ARSG: variants seen among roughly 807,000 people sequenced by gnomAD.
ARSG encodes the protein ASG.
ARSG carries 37 observed loss-of-function variants against 50.5 expected under a neutral mutation model. The observed-to-expected ratio is 0.73, with a 90% CI of 0.56 to 0.96. ARSG has a LOEUF of 0.96. Among genes scored for constraint, ARSG ranks in the 50% least tolerant of loss-of-function variants. The pLI is 0.00. For missense variants in ARSG, 629 were observed against 675.3 expected (o/e 0.93, Z 0.76); for synonymous variants, 225 against 254.6 (o/e 0.88, Z 1.11).
chr17:68,333,238 C>T (rs772061251), intron 2 of ARSG, among the ~76,000 whole-genome samples: 29 of 152,172 alleles, frequency 1.9e-4, no homozygotes, highest in Non-Finnish European at 3.8e-4. Context: ...AGGAGAATGG[C>T]GTGAACGTGG....
rs1407764628 is a variant in ARSG at position 68,381,489 on chromosome 17, A to G, written c.983-3575A>G. The stretch of plus-strand genomic sequence containing the variant: ...GTGCCTGATCAAAGTATGGAGGCTT[A>G]TCTAAATGAATAGTGTTTGAAATTG... On this transcript the variant is annotated intron_variant, in intron 8 of 11. Coordinates refer to ENST00000621439, the MANE Select transcript of ARSG (RefSeq NM_001267727.2). This position sits in a 1 kb window ranked among gnomAD's most constrained non-coding sequence, Gnocchi z 4.1. 6.6e-6 allele frequency among the ~76,000 whole-genome samples: 1 copy of G among 150,526 alleles called. No homozygotes were observed. Among genetic ancestry groups the G allele is most frequent in the Non-Finnish European group, 1.5e-5 (1 of 67,700 alleles).
chr17:68,284,715 G>A (rs559569098), intron 1 of ARSG, among the ~76,000 whole-genome samples: 15 of 152,166 alleles, frequency 9.9e-5, no homozygotes, highest in Admixed American at 2.6e-4. Context: ...TACTGATAGC[G>A]CCATTCCCAC....
chr17:68,280,357 G>A (rs977562696), intron 1 of ARSG, among the ~76,000 whole-genome samples: 2 of 151,832 alleles, frequency 1.3e-5, no homozygotes, highest in African/African-American at 2.4e-5. Context: ...AAAGAACAAA[G>A]CTGGAGGCAT....
At chr17:68,401,259 G>A (rs2081457123) in intron 10 of ARSG, 101 bp from the exon 11 acceptor site, 2 of 1,030,154 alleles carry the variant, frequency 1.9e-6, no homozygotes, top group African/African-American at 1.6e-5. Flanking sequence ...CTGGGCTCAA[G>A]TGATCCTCCT....
Position 68,395,173 on chromosome 17 carries a change from C to G in ARSG, c.1192C>G (p.Arg398Gly). The change falls in exon 10 of 12, where the codon CGG (arginine) becomes GGG (glycine). Residue 398 changes from arginine (R) to glycine (G), a missense_variant. Coordinates refer to ENST00000621439, the MANE Select transcript of ARSG (RefSeq NM_001267727.2). ...GGACGTCTCCGAGGTGCTCTTTGGC[C>G]GGTCACAGCCTGGGCACAGGGTAAG... ...GVDVSEVLFG[R>G]SQPGHRVLFH... is the part of the protein sequence containing the mutation. 1 of 1,613,998 alleles carries G rather than the reference C, an allele frequency of 6.2e-7. No homozygotes were observed. Among genetic ancestry groups the G allele is most frequent in the Non-Finnish European group, 8.5e-7 (1 of 1,179,932 alleles).
intron 2 of ARSG, among the ~76,000 whole-genome samples, chr17:68,324,011 T>C (rs1555771530): frequency 7.0e-6 from 1 of 142,522 alleles, no homozygotes; most frequent in Admixed American, 7.5e-5. Context: ...AAGTGGAGGT[T>C]GCAGTGAGCT....
downstream of ARSG, chr17:68,420,945 T>C (rs1216255525): frequency 6.2e-6 from 1 of 161,500 alleles, no homozygotes; most frequent in East Asian, 1.8e-4. Context: ...TTTCTCTTTT[T>C]TTCCTTCCAC....
At chr17:68,451,837 C>T in the ARSG span, among the ~76,000 whole-genome samples, 8 of 152,176 alleles carry the variant, frequency 5.3e-5, no homozygotes, top group African/African-American at 1.7e-4. Flanking sequence ...GTTAATGACC[C>T]TCCTGAGCAC....
At chr17:68,435,084 G>T in the ARSG span, among the ~76,000 whole-genome samples, 1 of 152,044 alleles carries the variant, frequency 6.6e-6, no homozygotes, top group Non-Finnish European at 1.5e-5. Flanking sequence ...GCATGTGCCT[G>T]TAATCTCAGC....
chr17:68,346,480 C>T (rs1019913730), intron 3 of ARSG, among the ~76,000 whole-genome samples: 5 of 152,204 alleles, frequency 3.3e-5, no homozygotes, highest in South Asian at 4.1e-4. Flanking sequence ...ATGGGGGTGG[C>T]GTCCCTGGGG....
downstream of ARSG, among the ~76,000 whole-genome samples, chr17:68,423,211 T>G (rs1443247042): frequency 2.0e-5 from 3 of 152,186 alleles, no homozygotes; most frequent in African/African-American, 7.2e-5. This position sits in a 1 kb window ranked among gnomAD's most constrained non-coding sequence, Gnocchi z 4.4. Flanking sequence ...AGATTTGCAA[T>G]AGGCATGACA....
chr17:68,279,017 C>G (rs1326719242), intron 1 of ARSG, among the ~76,000 whole-genome samples: 1 of 151,978 alleles, frequency 6.6e-6, no homozygotes, highest in Non-Finnish European at 1.5e-5. Flanking sequence ...GTACATGGGG[C>G]CTCCCAAAAA....
At chr17:68,426,019 G>C (rs766108315), downstream of ARSG, 2 of 1,437,518 alleles carry the variant, frequency 1.4e-6, no homozygotes, top group Middle Eastern at 2.0e-4. Flanking sequence ...ATGAGGCGAA[G>C]GTTTCCTTCT....
intron 5 of ARSG, among the ~76,000 whole-genome samples, chr17:68,352,111 GAGACA>G (rs1568506570): frequency 6.6e-5 from 8 of 121,550 alleles, no homozygotes; most frequent in African/African-American, 2.0e-4. Context: ...GAGAGAGAGA[GAGACA>G]GAGGAGAGAG....
chr17:68,324,364 C>T (rs984203873), intron 2 of ARSG, among the ~76,000 whole-genome samples: 9 of 152,112 alleles, frequency 5.9e-5, no homozygotes, highest in Admixed American at 1.3e-4. Context: ...GTCAGGCTCT[C>T]GGGGCTGGCA....
At chr17:68,398,245 A>T (rs1406915113) in intron 10 of ARSG, among the ~76,000 whole-genome samples, 1 of 152,190 alleles carries the variant, frequency 6.6e-6, no homozygotes, top group South Asian at 2.1e-4. Context: ...TACACTATAC[A>T]TGTGTACATA....
intron 1 of ARSG, among the ~76,000 whole-genome samples, chr17:68,259,641 C>T (rs1417028969): frequency 3.9e-5 from 6 of 152,174 alleles, no homozygotes; most frequent in Non-Finnish European, 1.5e-5. Flanking sequence ...TCTGTTTAAT[C>T]CAATGCATCC....
chr17:68,284,727 G>A (rs782795674), intron 1 of ARSG, among the ~76,000 whole-genome samples: 40 of 152,184 alleles, frequency 2.6e-4, no homozygotes, highest in Non-Finnish European at 5.1e-4. Context: ...CATTCCCACT[G>A]TAGCCTAGTA....
chr17:68,398,449 A>G (rs1176132063), intron 10 of ARSG, among the ~76,000 whole-genome samples: 1 of 152,230 alleles, frequency 6.6e-6, no homozygotes, highest in African/African-American at 2.4e-5. Flanking sequence ...ACACAGATGC[A>G]TATGTCTGTA....
Sources: allele counts gnomAD v4.1 joint callset (sites outside exome capture counted in the v4.1 genomes callset), GRCh38; gene constraint gnomAD v4.1.1; non-coding constraint Gnocchi (gnomAD v3.1); transcripts MANE v1.5; gene names NCBI Gene and HGNC (gene_info 2026-07-23, HGNC 2026-07-21).